Variants in SNX24 observed in about 807,000 individuals in gnomAD.
SNX24 encodes the protein sorting nexin-24.
Under a neutral mutation model 28.7 loss-of-function variants are expected in SNX24, and 22 were observed. The observed-to-expected ratio is 0.77, with a 90% CI of 0.55 to 1.10. The LOEUF is 1.10. SNX24 is among the 50% of genes least tolerant of loss of function. The pLI, the probability that SNX24 is intolerant of heterozygous loss-of-function variation, is 0.00. For synonymous variants in SNX24, 69 were observed against 71.5 expected (o/e 0.96, Z 0.18); for missense variants, 221 against 201.1 (o/e 1.10, Z -0.60).
intron 3 of SNX24, among the ~76,000 whole-genome samples, chr5:122,999,185 G>GATTACT (rs1172637286): frequency 6.6e-6 from 1 of 152,030 alleles, no homozygotes; most frequent in East Asian, 1.9e-4. Context: ...CTGGATCTCT[G>GATTACT]ATTACTGACA....
intron 2 of SNX24, among the ~76,000 whole-genome samples, chr5:122,937,404 G>A (rs149341931): frequency 2.1e-4 from 32 of 152,246 alleles, no homozygotes; most frequent in African/African-American, 7.2e-4. Flanking sequence ...TTAGATAAAC[G>A]AAACAGAAAG....
chr5:122,889,677 G>GTATA (rs772602796), intron 1 of SNX24, among the ~76,000 whole-genome samples: 1 of 141,572 alleles, frequency 7.1e-6, no homozygotes, highest in African/African-American at 2.6e-5. Context: ...ATATATATGT[G>GTATA]TATATATATG....
At chr5:123,023,807 AACACACACACAC>A (rs70988555) in intron 5 of SNX24, 10 of 1,294,872 alleles carry the variant, frequency 7.7e-6, no homozygotes, top group South Asian at 3.9e-5. Context: ...AAGACAACAC[AACACACACACAC>A]ACACACACAC....
intron 3 of SNX24, among the ~76,000 whole-genome samples, chr5:122,996,782 A>G (rs1209209588): frequency 1.3e-5 from 2 of 152,204 alleles, no homozygotes; most frequent in African/African-American, 4.8e-5. Context: ...TAACCATTGG[A>G]TATTAATAAA....
At chr5:122,891,861 T>G (rs1356989090) in intron 1 of SNX24, among the ~76,000 whole-genome samples, 1 of 152,218 alleles carries the variant, frequency 6.6e-6, no homozygotes, top group Non-Finnish European at 1.5e-5. Context: ...AGCAAACATG[T>G]GAGAATAAAA....
chr5:122,948,094 TTCC>T (rs1480584527), intron 3 of SNX24, among the ~76,000 whole-genome samples: 13 of 152,338 alleles, frequency 8.5e-5, no homozygotes, highest in African/African-American at 3.1e-4. Context: ...TGTCACTTAA[TTCC>T]CCCAGGAGTT....
chr5:122,880,512 C>A (rs1386964514), intron 1 of SNX24, among the ~76,000 whole-genome samples: 1 of 152,144 alleles, frequency 6.6e-6, no homozygotes, highest in Non-Finnish European at 1.5e-5. Context: ...GATGCATGAA[C>A]CTGCCTGCCT....
chr5:122,930,590 G>T (rs1472830229), intron 1 of SNX24, among the ~76,000 whole-genome samples: 1 of 152,022 alleles, frequency 6.6e-6, no homozygotes, highest in Admixed American at 6.6e-5. Context: ...TTTTCCCTGG[G>T]ATATATAAAC....
chr5:123,011,554 A>G (rs1164813091), downstream of SNX24, among the ~76,000 whole-genome samples: 1 of 152,230 alleles, frequency 6.6e-6, no homozygotes, highest in Non-Finnish European at 1.5e-5. Flanking sequence ...TTGAAATAAC[A>G]GATGGTTTTC....
At chr5:122,872,553 T>C (rs1446992908) in intron 1 of SNX24, among the ~76,000 whole-genome samples, 1 of 152,190 alleles carries the variant, frequency 6.6e-6, no homozygotes, top group Admixed American at 6.5e-5. Context: ...AGGTCCCTGA[T>C]ATAAAATGGC....
intron 1 of SNX24, among the ~76,000 whole-genome samples, chr5:122,923,167 C>T (rs1028678846): frequency 2.0e-5 from 3 of 151,738 alleles, no homozygotes; most frequent in African/African-American, 7.3e-5. Context: ...CTCATCTCTA[C>T]CAAAATATAA....
intron 2 of SNX24, among the ~76,000 whole-genome samples, chr5:122,944,782 A>T (rs555553612): frequency 6.6e-6 from 1 of 152,342 alleles, no homozygotes; most frequent in African/African-American, 2.4e-5. Flanking sequence ...ATATACTCTT[A>T]CATATGGAAA....
At chr5:123,021,790 C>T (rs913948509) in intron 5 of SNX24, among the ~76,000 whole-genome samples, 1 of 152,108 alleles carries the variant, frequency 6.6e-6, no homozygotes, top group East Asian at 1.9e-4. Context: ...GCCCCTATCC[C>T]GCTCCCCTTT....
At chr5:122,993,809 C>T (rs1761954467) in intron 3 of SNX24, among the ~76,000 whole-genome samples, 3 of 152,120 alleles carry the variant, frequency 2.0e-5, no homozygotes, top group South Asian at 2.1e-4. Flanking sequence ...TTGTTTTTAG[C>T]CGTATCTCTG....
At chr5:122,900,927 G>C (rs1043585994) in intron 1 of SNX24, among the ~76,000 whole-genome samples, 3 of 152,182 alleles carry the variant, frequency 2.0e-5, no homozygotes, top group African/African-American at 7.2e-5. Flanking sequence ...ATGGCCAGGT[G>C]TGGTGGCTCG....
chr5:122,882,374 A>G (rs1756519089), intron 1 of SNX24, among the ~76,000 whole-genome samples: 1 of 152,236 alleles, frequency 6.6e-6, no homozygotes, highest in Non-Finnish European at 1.5e-5. Flanking sequence ...TGTGATTTAG[A>G]GTATATGGTA....
chr5:122,856,006 T>G (rs914615383), intron 1 of SNX24, among the ~76,000 whole-genome samples: 2 of 152,116 alleles, frequency 1.3e-5, no homozygotes, highest in Non-Finnish European at 2.9e-5. Flanking sequence ...CATGTGCAGG[T>G]TTGTTATATG....
intron 5 of SNX24, among the ~76,000 whole-genome samples, chr5:123,027,632 A>T (rs1352523389): frequency 6.6e-6 from 1 of 152,206 alleles, no homozygotes; most frequent in Non-Finnish European, 1.5e-5. Context: ...AACTAGAAGT[A>T]ATCTTCACAA....
chr5:122,978,448 T>C (rs974702067), intron 3 of SNX24, among the ~76,000 whole-genome samples: 1 of 152,246 alleles, frequency 6.6e-6, no homozygotes, highest in Non-Finnish European at 1.5e-5. Flanking sequence ...CTTGTTAGAC[T>C]TTCTAGAAAG....
Sources: allele counts gnomAD v4.1 joint callset (sites outside exome capture counted in the v4.1 genomes callset), GRCh38; gene constraint gnomAD v4.1.1; transcripts MANE v1.5; gene names NCBI Gene and HGNC (gene_info 2026-07-23, HGNC 2026-07-21).